Variants in ZNF280D observed in about 807,000 individuals in gnomAD.
ZNF280D encodes suppressor of hairy wing homolog 4.
ZNF280D carries 39 observed loss-of-function variants against 94.7 expected under a neutral mutation model. The observed-to-expected ratio is 0.41, with a 90% CI of 0.32 to 0.54. The LOEUF (loss-of-function observed/expected upper bound fraction) is 0.54. Among genes scored for constraint, ZNF280D ranks in the 20% least tolerant of loss-of-function variants. The pLI is 0.22. For synonymous variants in ZNF280D, 398 were observed against 377.6 expected (o/e 1.05, Z -0.63); for missense variants, 1,090 against 1,149.3 (o/e 0.95, Z 0.75).
chr15:56,642,416 T>A (rs1206268869), intron 20 of ZNF280D, among the ~76,000 whole-genome samples: 3 of 151,742 alleles, frequency 2.0e-5, no homozygotes, highest in Admixed American at 6.6e-5. Context: ...TAAATTGACA[T>A]CAAGAAAGCA....
chr15:56,659,347 T>C (rs1333709323), intron 16 of ZNF280D, among the ~76,000 whole-genome samples: 1 of 152,018 alleles, frequency 6.6e-6, no homozygotes, highest in African/African-American at 2.4e-5. Context: ...AGACCAAAAG[T>C]GTAAATATCA....
At chr15:56,689,908 G>A (rs1454440203) in intron 7 of ZNF280D, among the ~76,000 whole-genome samples, 1 of 152,140 alleles carries the variant, frequency 6.6e-6, no homozygotes, top group East Asian at 1.9e-4. Context: ...ATACTCTTAA[G>A]ATGCTTTTTT....
At position 56,689,437 on chromosome 15, in the gene ZNF280D, G is replaced by A. The variant is rs2056284615; in HGVS notation, c.533C>T (p.Pro178Leu). The change falls in exon 8 of 22, where the codon CCT becomes CTT. Residue 178 changes from proline (P) to leucine (L), a missense_variant. Physicochemically the swap from Pro to Leu is moderately conservative, Grantham distance 98. Coordinates refer to ENST00000267807, the MANE Select transcript of ZNF280D (RefSeq NM_017661.4). ...AACATTATTTACTTCAGAAGTAGAA[G>A]GACGTTTTGATAAAAATGAACTTTC... ...MSESSFLSKR[P>L]STSEVNNVNP... 1.3e-6 allele frequency: 2 copies of A among 1,565,840 alleles called. No individual in the cohort carries two copies. Among genetic ancestry groups the A allele is most frequent in the Admixed American group, 1.9e-5 (1 of 53,730 alleles).
Position 56,701,254 on chromosome 15 carries a change from T to C in ZNF280D, c.176-16A>G. On this transcript the variant is annotated splice_polypyrimidine_tract_variant and intron_variant, in intron 4 of 21. Transcript: ENST00000267807. ...TTCAAAATATCTATAAAAGATTATA[T>C]TTATTTTAAAATACATTGTTTGAAT... The C allele has an allele frequency of 2.8e-6, 4 of 1,438,834 alleles. No individual in the cohort carries two copies. The highest frequency in any genetic ancestry group is 1.4e-5 in the African/African-American group (1 of 70,292). 89.1% of individuals were successfully genotyped at this position (1,438,834 alleles called of 1,614,324 possible).
In ZNF280D at chr15:56,697,032, A is replaced by G. The variant is rs1211434660; in HGVS notation, c.382-3817T>C. Among the ~76,000 whole-genome samples, 5 of 152,168 alleles carry G rather than the reference A, an allele frequency of 3.3e-5. 1 individual carries two copies. Among genetic ancestry groups the G allele is most frequent in the Non-Finnish European group, 7.3e-5 (5 of 68,036 alleles). On this transcript the variant is annotated intron_variant, in intron 6 of 21. Transcript: ENST00000267807. ...TGGAAAGATTTTTACCTAACGAACTATTAAATAATGTTTTGTTTTTCTATT... is the reference window on the plus strand; with the variant it reads ...TGGAAAGATTTTTACCTAACGAACTGTTAAATAATGTTTTGTTTTTCTATT...
intron 1 of ZNF280D, among the ~76,000 whole-genome samples, chr15:56,727,226 T>C (rs1440180553): frequency 9.4e-5 from 4 of 42,744 alleles, no homozygotes; most frequent in Admixed American, 7.8e-4. Flanking sequence ...TCCCAGCACT[T>C]TGGGAGGTGG....
chr15:56,711,832 G>A (rs573666127), intron 1 of ZNF280D, among the ~76,000 whole-genome samples: 19 of 152,324 alleles, frequency 1.2e-4, no homozygotes, highest in African/African-American at 4.3e-4. Context: ...GAACATCGTA[G>A]AGTCTACAGT....
At chr15:56,643,464 A>T (rs1213265993) in intron 19 of ZNF280D, among the ~76,000 whole-genome samples, 2 of 151,734 alleles carry the variant, frequency 1.3e-5, no homozygotes, top group Non-Finnish European at 3.0e-5. Context: ...ACAATATTAT[A>T]GTTAACTTAC....
At chr15:56,697,026 C>T (rs1197474366) in intron 6 of ZNF280D, among the ~76,000 whole-genome samples, 13 of 152,102 alleles carry the variant, frequency 8.5e-5, no homozygotes, top group Admixed American at 6.6e-4. Context: ...TTTTACCTAA[C>T]GAACTATTAA....
chr15:56,730,901 G>A (rs1237926995), intron 1 of ZNF280D, among the ~76,000 whole-genome samples: 1 of 152,126 alleles, frequency 6.6e-6, no homozygotes. Flanking sequence ...AATTGCAGAA[G>A]GAAATGCTTA....
chr15:56,656,078 T>G lies in ZNF280D; in HGVS notation c.2058-1575A>C, dbSNP rs189888762. 8.5e-5 allele frequency among the ~76,000 whole-genome samples: 13 copies of G among 152,286 alleles called. No homozygotes were observed. The East Asian group carries it at 2.5e-3, about 29-fold the overall frequency. ...ACTGTAATATTTTTCCTCTCTGAAA[T>G]AAGTCTCATTGCACTTATTAAAACG... On this transcript the variant is annotated intron_variant, in intron 17 of 21. Coordinates refer to ENST00000267807, the MANE Select transcript of ZNF280D (RefSeq NM_017661.4).
intron 9 of ZNF280D, among the ~76,000 whole-genome samples, chr15:56,686,318 T>C (rs1052362927): frequency 1.4e-4 from 22 of 152,282 alleles, no homozygotes; most frequent in African/African-American, 5.3e-4. Context: ...CTTGTATTTT[T>C]AGTAGAGATG....
chr15:56,635,357 A>G (rs1369476783), intron 20 of ZNF280D, 107 bp from the exon 21 acceptor site: 1 of 363,070 alleles, frequency 2.8e-6, no homozygotes, highest in East Asian at 5.1e-5. Context: ...AACTTAATAT[A>G]ACAAAGAAAT....
intron 1 of ZNF280D, among the ~76,000 whole-genome samples, chr15:56,715,986 T>C (rs1408221950): frequency 6.6e-6 from 1 of 152,184 alleles, no homozygotes; most frequent in Non-Finnish European, 1.5e-5. Context: ...GTATCATAAG[T>C]AATCTAGAGA....
chr15:56,652,141 T>C (rs1463388912), intron 19 of ZNF280D, among the ~76,000 whole-genome samples: 3 of 152,226 alleles, frequency 2.0e-5, no homozygotes, highest in East Asian at 3.9e-4. Context: ...ATAAATTAGT[T>C]TGGAAATTCA....
At chr15:56,648,610 G>C (rs528220069) in intron 19 of ZNF280D, among the ~76,000 whole-genome samples, 38 of 151,980 alleles carry the variant, frequency 2.5e-4, no homozygotes, top group Admixed American at 2.2e-3. Flanking sequence ...TGCGACCTTG[G>C]GCAAATTATT....
At chr15:56,696,830 C>A (rs1398256697) in intron 6 of ZNF280D, among the ~76,000 whole-genome samples, 1 of 152,144 alleles carries the variant, frequency 6.6e-6, no homozygotes, top group African/African-American at 2.4e-5. Context: ...GACCAACTGG[C>A]AAAACCTCTC....
At chr15:56,723,854 CG>C (rs1567044172) in intron 1 of ZNF280D, among the ~76,000 whole-genome samples, 5 of 108,970 alleles carry the variant, frequency 4.6e-5, no homozygotes. Context: ...CTGAAAATAT[CG>C]TAAGTTGAAA....
At chr15:56,706,904 C>T (rs1354457827) in intron 3 of ZNF280D, among the ~76,000 whole-genome samples, 178 bp downstream of exon 3, 1 of 151,906 alleles carries the variant, frequency 6.6e-6, no homozygotes, top group Non-Finnish European at 1.5e-5. Context: ...GGGGAAAACA[C>T]TTCTATTTTA....
Sources: allele counts gnomAD v4.1 joint callset (sites outside exome capture counted in the v4.1 genomes callset), GRCh38; gene constraint gnomAD v4.1.1; transcripts MANE v1.5; gene names NCBI Gene and HGNC (gene_info 2026-07-23, HGNC 2026-07-21).